The following CBX3 variants were observed in gnomAD, a reference collection of about 807,000 sequenced individuals.
CBX3 encodes chromobox 3.
A neutral mutation model predicts 22.6 loss-of-function variants in CBX3; 5 were observed. The ratio of observed to expected loss-of-function variants is 0.22; its 90% confidence interval spans 0.12 to 0.47. The LOEUF (loss-of-function observed/expected upper bound fraction) is 0.47. CBX3 is among the 20% of genes least tolerant of loss of function. CBX3 has a pLI of 0.99. For synonymous variants in CBX3, 50 were observed against 66.6 expected (o/e 0.75, Z 1.21); for missense variants, 83 against 208.1 (o/e 0.40, Z 3.70).
At chr7:26,202,746 T>C in intron 1 of CBX3, 1 of 509,338 alleles carries the variant, frequency 2.0e-6, no homozygotes, top group East Asian at 3.5e-5. Context: ...TGAAGCTGTT[T>C]TAGGTACCAG....
chr7:26,204,784 G>GT (rs1387384887), intron 2 of CBX3, among the ~76,000 whole-genome samples: 32 of 151,856 alleles, frequency 2.1e-4, no homozygotes, highest in Non-Finnish European at 2.2e-4. Context: ...TAGTATTTGG[G>GT]TTTTTTGTTT....
chr7:26,209,536 T>C (rs1784759113), intron 4 of CBX3, among the ~76,000 whole-genome samples: 1 of 152,206 alleles, frequency 6.6e-6, no homozygotes, highest in African/African-American at 2.4e-5. Context: ...ATCAATGGCA[T>C]TGACCACCGA....
rs1784728927 is a variant in CBX3, at chr7:26,208,389, A to G, written c.168-4A>G. The G allele has an allele frequency of 1.6e-6, 2 of 1,288,810 alleles. No individual in the cohort carries two copies. Among genetic ancestry groups the G allele is most frequent in the South Asian group, 3.0e-5 (2 of 67,648 alleles). The allele number at this position is 1,288,810 out of a possible 1,614,324, so 79.8% of individuals were successfully genotyped here. On this transcript the variant is annotated splice_region_variant and splice_polypyrimidine_tract_variant and intron_variant, in intron 3 of 5. Coordinates refer to ENST00000396386, the MANE Select transcript of CBX3 (RefSeq NM_016587.4). ...CTTTTTTTTTTTTAATAAACTAAAC[A>G]CAGTGCTGACAATACTTGGGAACCT...
chr7:26,211,829 A>T, intron 5 of CBX3, 73 bp downstream of exon 5: 1 of 1,156,842 alleles, frequency 8.6e-7, no homozygotes, highest in Non-Finnish European at 1.2e-6. Context: ...ATGGTTTTTC[A>T]TCATTAGGTA....
chr7:26,208,917 C>CTTTTTTTTTT lies in CBX3; in HGVS notation c.330+387_330+396dup, dbSNP rs59657982. On this transcript the variant is annotated intron_variant, in intron 4 of 5. Coordinates refer to ENST00000396386, the MANE Select transcript of CBX3 (RefSeq NM_016587.4). Reference sequence around the variant, plus strand: ...GTAGGCATGAGCCACCACGCCTGGCCTTTTTTTTTTTTTTTTTTTTTTTTT... The same window carrying CTTTTTTTTTT: ...GTAGGCATGAGCCACCACGCCTGGCCTTTTTTTTTTTTTTTTTTTTTTTTTTTTTTTTTTT... Among the ~76,000 whole-genome samples the CTTTTTTTTTT allele has an allele frequency of 2.1e-4, 6 of 27,944 alleles. 2 individuals are homozygous for CTTTTTTTTTT. Among genetic ancestry groups the CTTTTTTTTTT allele is most frequent in the Non-Finnish European group, 3.5e-4 (6 of 17,252 alleles). 18.3% of individuals were successfully genotyped at this position (27,944 alleles called of 152,430 possible).
chr7:26,203,086 A>T, intron 2 of CBX3, 64 bp downstream of exon 2: 16 of 1,021,440 alleles, frequency 1.6e-5, no homozygotes. Context: ...CCACAGTATA[A>T]CTTTGCATCT....
Position 26,213,096 on chromosome 7 carries a change from G to A in CBX3, c.*888G>A, listed in dbSNP as rs1360505166. 2.0e-5 allele frequency: 3 copies of A among 152,430 alleles called. No homozygotes were observed. The highest frequency in any genetic ancestry group is 2.0e-4 in the Admixed American group (3 of 15,288). The allele number at this position is 152,430 out of a possible 1,614,324, so 9.4% of individuals were successfully genotyped here. A position where few individuals can be genotyped will look rare whatever the true frequency, so the allele number is the denominator to read the frequency against. Reference sequence around the variant, plus strand: ...TGGCTCATAGAAACCTAATCAGATGGTTAGAGGTGTTGGCAGTTTAGGACC... The same window carrying A: ...TGGCTCATAGAAACCTAATCAGATGATTAGAGGTGTTGGCAGTTTAGGACC... On this transcript the variant is annotated 3_prime_UTR_variant, in exon 6 of 6. Transcript: ENST00000396386.
At chr7:26,209,255 C>T (rs1784752867) in intron 4 of CBX3, among the ~76,000 whole-genome samples, 1 of 151,992 alleles carries the variant, frequency 6.6e-6, no homozygotes, top group Non-Finnish European at 1.5e-5. Flanking sequence ...TTATAAAAGG[C>T]CTCTTAATCG....
Position 26,212,466 on chromosome 7 carries a change from C to T in CBX3, c.*258C>T, listed in dbSNP as rs1343006086. On this transcript the variant is annotated 3_prime_UTR_variant, in exon 6 of 6. Coordinates refer to ENST00000396386, the MANE Select transcript of CBX3 (RefSeq NM_016587.4). The stretch of plus-strand genomic sequence containing the variant: ...CATTTGATACCATGGTATATCATTT[C>T]CTCTTCATTAAAGAACAGCTTTTCT... 2 of 169,630 alleles carry T rather than the reference C, an allele frequency of 1.2e-5. No individual in the cohort carries two copies. 10.5% of individuals were successfully genotyped at this position (169,630 alleles called of 1,614,324 possible).
Position 26,211,737 on chromosome 7 carries a change from T to C in CBX3, c.406T>C (p.Leu136=), listed in dbSNP as rs1456340438. 1 of 1,606,648 alleles carries C rather than the reference T, an allele frequency of 6.2e-7. No homozygotes were observed. The highest frequency in any genetic ancestry group is 1.3e-5 in the African/African-American group (1 of 74,464). ...TGGTGCCACAGACAGCAGTGGAGAA[T>C]TGATGTTTCTCATGAAATGGTGAGT... The part of the protein sequence containing the change: ...IIGATDSSGE[L]MFLMKWKDSD... The change falls in exon 5 of 6, where the codon TTG becomes CTG. Residue 136 remains leucine, a synonymous_variant. Coordinates refer to ENST00000396386, the MANE Select transcript of CBX3 (RefSeq NM_016587.4).
intron 2 of CBX3, among the ~76,000 whole-genome samples, chr7:26,203,841 A>G (rs533243204): frequency 9.8e-4 from 149 of 152,294 alleles, no homozygotes; most frequent in African/African-American, 3.4e-3. Context: ...AGTGATTTTT[A>G]ATTTGTGCCA....
At position 26,206,169 on chromosome 7, in the gene CBX3, G is replaced by GTT. The variant is rs1784671259; in HGVS notation, c.25-197_25-196dup. ...GTATTATTTTGGTGGTGGGTTGTAA[G>GTT]TTTGAACTAAATGAACAAGATAAAG... On this transcript the variant is annotated intron_variant, in intron 2 of 5. Transcript: ENST00000396386. The GTT allele has an allele frequency of 2.2e-5, 11 of 501,034 alleles. No individual in the cohort carries two copies. In the South Asian group the frequency reaches 3.1e-4, roughly 14 times the overall value. 31.0% of individuals were successfully genotyped at this position (501,034 alleles called of 1,614,324 possible). A position where few individuals can be genotyped will look rare whatever the true frequency, so the allele number is the denominator to read the frequency against.
In CBX3 at chr7:26,212,578, TTTTTTGTGTGTGTGTG is replaced by T. The variant is rs1784829198; in HGVS notation, c.*372_*387del. ...AGGACCATTCTAGATTTATTACGTG[TTTTTTGTGTGTGTGTG>T]TGTGTGTGTGTGTGTGTGTATCCAT... On this transcript the variant is annotated 3_prime_UTR_variant, in exon 6 of 6. Coordinates refer to ENST00000396386, the MANE Select transcript of CBX3 (RefSeq NM_016587.4). 1 of 104,926 alleles carries T rather than the reference TTTTTTGTGTGTGTGTG, an allele frequency of 9.5e-6. No homozygotes were observed. The highest frequency in any genetic ancestry group is 1.8e-5 in the Non-Finnish European group (1 of 56,480). 6.5% of individuals were successfully genotyped at this position (104,926 alleles called of 1,614,324 possible).
chr7:26,203,309 C>T (rs1020463210), intron 2 of CBX3, among the ~76,000 whole-genome samples: 10 of 152,134 alleles, frequency 6.6e-5, no homozygotes, highest in African/African-American at 2.4e-4. Context: ...CACATTTTTG[C>T]AGCGTTGAAA....
Position 26,202,833 on chromosome 7 carries a change from G to A in CBX3, c.-28-138G>A, listed in dbSNP as rs1408143877. 1.3e-5 allele frequency: 9 copies of A among 690,622 alleles called. No individual in the cohort carries two copies. The South Asian group carries it at 1.4e-4, about 11-fold the overall frequency. The allele number at this position is 690,622 out of a possible 1,614,324, so 42.8% of individuals were successfully genotyped here. A position where few individuals can be genotyped will look rare whatever the true frequency, so the allele number is the denominator to read the frequency against. On this transcript the variant is annotated intron_variant, in intron 1 of 5. Coordinates refer to ENST00000396386, the MANE Select transcript of CBX3 (RefSeq NM_016587.4). ...TACATCATAAGCAATGTAGGTAGGA[G>A]CGCAGATCTACTCTGGATTTGTATT... is the stretch of plus-strand genomic sequence containing the variant.
Position 26,211,772 on chromosome 7 carries a change from T to C in CBX3, c.425+16T>C. 1 of 1,526,674 alleles carries C rather than the reference T, an allele frequency of 6.6e-7. No individual in the cohort carries two copies. The highest frequency in any genetic ancestry group is 1.2e-5 in the South Asian group (1 of 81,244). 94.6% of individuals were successfully genotyped at this position (1,526,674 alleles called of 1,614,324 possible). A position where few individuals can be genotyped will look rare whatever the true frequency, so the allele number is the denominator to read the frequency against. ...TCATGAAATGGTGAGTATGCAGAGA[T>C]TGTTACATTTGAAAGTAAGAGTAGC... On this transcript the variant is annotated intron_variant, in intron 5 of 5. Coordinates refer to ENST00000396386, the MANE Select transcript of CBX3 (RefSeq NM_016587.4).
At chr7:26,206,200 T>C (rs1784671901) in intron 2 of CBX3, 168 bp from the exon 3 acceptor site, 2 of 559,104 alleles carry the variant, frequency 3.6e-6, no homozygotes, top group South Asian at 2.5e-5. Context: ...TAAAGCATTC[T>C]TTTATTTTAT....
At chr7:26,205,489 T>TG (rs1339518417) in intron 2 of CBX3, among the ~76,000 whole-genome samples, 1 of 152,254 alleles carries the variant, frequency 6.6e-6, no homozygotes, top group African/African-American at 2.4e-5. Context: ...AAAATAATCT[T>TG]GTCCTTTAAT....
chr7:26,206,537 A>G (rs375282406), intron 3 of CBX3, 27 bp downstream of exon 3: 70 of 1,607,174 alleles, frequency 4.4e-5, no homozygotes, highest in Admixed American at 3.2e-4. Flanking sequence ...CATCTTTACT[A>G]TATGTTTAAC....
Sources: gnomAD v4.1 joint callset for allele counts (sites outside exome capture counted in the v4.1 genomes callset) on GRCh38, gnomAD v4.1.1 for gene constraint, MANE v1.5 for transcripts, NCBI Gene and HGNC (gene_info 2026-07-23, HGNC 2026-07-21) for gene names.